Variants in PTAR1 observed in about 807,000 individuals in gnomAD.
PTAR1 encodes the protein protein prenyltransferase alpha subunit repeat-containing protein 1.
Under a neutral mutation model 45.5 loss-of-function variants are expected in PTAR1, and 17 were observed. That is an observed-to-expected ratio of 0.37 (90% CI 0.26 to 0.56). The LOEUF is 0.56. PTAR1 is among the 20% of genes least tolerant of loss of function. The pLI is 0.77. For synonymous variants in PTAR1, 169 were observed against 171.3 expected (o/e 0.99, Z 0.11); for missense variants, 391 against 476.3 (o/e 0.82, Z 1.67).
In PTAR1 at chr9:69,732,266, C is replaced by T. The variant is rs999893482; in HGVS notation, c.515G>A (p.Arg172Lys). ...CTCTTCTTGTATGAGTCGCTGTGCC[C>T]TTTCTGTGGGAATTGTTCCCAAGTT... ...KGNLGTIPTE[R>K]AQRLIQEEME... Residue 172 changes from arginine (R) to lysine (K), a missense_variant, in exon 5 of 8, where the codon AGG becomes AAG. Arg to Lys is a conservative substitution (Grantham distance 26). This residue lies in a region of PTAR1 where 46 missense variants were observed against 39.6 expected (regional missense o/e 1.16). Transcript: ENST00000340434. 1 of 1,613,854 alleles carries T rather than the reference C, an allele frequency of 6.2e-7. No homozygotes were observed.
rs186673872 is a variant in PTAR1, at chr9:69,757,381, A to G, written c.86+2472T>C. 3.9e-5 allele frequency: 6 copies of G among 152,278 alleles called. No homozygotes were observed. The East Asian group carries it at 9.6e-4, about 24-fold the overall frequency. 9.4% of individuals were successfully genotyped at this position (152,278 alleles called of 1,614,324 possible). ...CATATTCACCAATCATTTGTCCAAT[A>G]TATTTTTGGTGAGGAACACAGAGAT... On this transcript the variant is annotated intron_variant, in intron 1 of 7. Coordinates refer to ENST00000340434, the MANE Select transcript of PTAR1 (RefSeq NM_001099666.2).
intron 6 of PTAR1, among the ~76,000 whole-genome samples, chr9:69,720,197 T>C (rs1186612643): frequency 1.3e-5 from 2 of 152,184 alleles, no homozygotes; most frequent in Non-Finnish European, 2.9e-5. Flanking sequence ...AGCCAAGTTG[T>C]CAATGCAAAG....
intron 1 of PTAR1, among the ~76,000 whole-genome samples, chr9:69,751,254 T>A: frequency 6.6e-6 from 1 of 152,028 alleles, no homozygotes; most frequent in Middle Eastern, 3.2e-3. Context: ...TCAGAAATTA[T>A]CCTATGCCAA....
At chr9:69,738,059 C>G (rs760139711) in intron 3 of PTAR1, among the ~76,000 whole-genome samples, 1 of 152,168 alleles carries the variant, frequency 6.6e-6, no homozygotes, top group Non-Finnish European at 1.5e-5. Flanking sequence ...CTAAAGTTCC[C>G]TCCAGGATCC....
At chr9:69,724,517 A>G (rs1471874618) in intron 5 of PTAR1, among the ~76,000 whole-genome samples, 1 of 152,242 alleles carries the variant, frequency 6.6e-6, no homozygotes, top group Non-Finnish European at 1.5e-5. Context: ...AGTTAACAAT[A>G]CAGACAGCAT....
intron 4 of PTAR1, among the ~76,000 whole-genome samples, chr9:69,733,711 CCAA>C (rs1223129394): frequency 1.3e-5 from 2 of 152,200 alleles, no homozygotes; most frequent in African/African-American, 4.8e-5. Context: ...ACCATCACCA[CCAA>C]CATCTTTACC....
At chr9:69,741,097 A>G (rs1231558245) in intron 3 of PTAR1, among the ~76,000 whole-genome samples, 2 of 152,146 alleles carry the variant, frequency 1.3e-5, no homozygotes, top group African/African-American at 2.4e-5. Flanking sequence ...CTCAGGGCTC[A>G]GTCTTTGAAC....
At chr9:69,721,598 G>C (rs1478358829) in intron 6 of PTAR1, among the ~76,000 whole-genome samples, 3 of 152,162 alleles carry the variant, frequency 2.0e-5, no homozygotes, top group Admixed American at 2.0e-4. Context: ...ACACACTACA[G>C]AGAAATCTTT....
intron 1 of PTAR1, among the ~76,000 whole-genome samples, chr9:69,753,511 C>G (rs751308073): frequency 1.7e-4 from 26 of 152,222 alleles, no homozygotes; most frequent in East Asian, 1.9e-4. Context: ...GATATATACA[C>G]ACACACATAT....
chr9:69,759,093 A>G (rs1240699310), intron 1 of PTAR1, among the ~76,000 whole-genome samples: 1 of 152,158 alleles, frequency 6.6e-6, no homozygotes, highest in Admixed American at 6.5e-5. Flanking sequence ...GTATCTTCCC[A>G]CAGTACTTCA....
intron 6 of PTAR1, among the ~76,000 whole-genome samples, chr9:69,719,200 C>G (rs1793720711): frequency 6.6e-6 from 1 of 152,102 alleles, no homozygotes; most frequent in South Asian, 2.1e-4. Context: ...TAAAAGTCAA[C>G]TGAACTTTAC....
intron 3 of PTAR1, among the ~76,000 whole-genome samples, chr9:69,739,812 G>C (rs1825960633): frequency 6.6e-6 from 1 of 152,008 alleles, no homozygotes; most frequent in Admixed American, 6.5e-5. Context: ...TATCCACAAA[G>C]GATTTTTTAA....
At chr9:69,739,559 G>C (rs985328564) in intron 3 of PTAR1, among the ~76,000 whole-genome samples, 1 of 152,008 alleles carries the variant, frequency 6.6e-6, no homozygotes, top group African/African-American at 2.4e-5. Flanking sequence ...GACGTCTATT[G>C]CATTATTCTT....
intron 5 of PTAR1, among the ~76,000 whole-genome samples, chr9:69,724,350 G>C (rs556454692): frequency 1.3e-5 from 2 of 152,258 alleles, no homozygotes; most frequent in Non-Finnish European, 2.9e-5. Flanking sequence ...CAAATGAAAT[G>C]ATTTTTTAAA....
At chr9:69,733,562 G>A (rs543279969) in intron 4 of PTAR1, among the ~76,000 whole-genome samples, 4 of 152,106 alleles carry the variant, frequency 2.6e-5, no homozygotes, top group Admixed American at 6.6e-5. Context: ...GTCCTAAAGT[G>A]CATTCTGGCT....
chr9:69,750,925 G>T lies in PTAR1; in HGVS notation c.112C>A (p.Pro38Thr), dbSNP rs753502633. Residue 38 changes from proline (P) to threonine (T), a missense_variant, in exon 2 of 8, where the codon CCT becomes ACT. Pro to Thr is a conservative substitution (Grantham distance 38, BLOSUM62 -1). Transcript: ENST00000340434. Reference sequence around the variant, plus strand: ...GGACTCCGGTTATACCTAGCTTCAGGACATGGGATCAGGCCAATTTCATCT... The same window carrying T: ...GGACTCCGGTTATACCTAGCTTCAGTACATGGGATCAGGCCAATTTCATCT... Reference protein sequence around the residue: ...HIDEIGLIPCPEARYNRSPIV... With the variant: ...HIDEIGLIPCTEARYNRSPIV... 2 of 1,602,814 alleles carry T rather than the reference G, an allele frequency of 1.2e-6. No individual in the cohort carries two copies. Among genetic ancestry groups the T allele is most frequent in the Admixed American group, 3.4e-5 (2 of 58,098 alleles).
At chr9:69,739,517 C>T (rs976687746) in intron 3 of PTAR1, among the ~76,000 whole-genome samples, 1 of 151,884 alleles carries the variant, frequency 6.6e-6, no homozygotes, top group Admixed American at 6.6e-5. Flanking sequence ...TATTTCTTTC[C>T]CCTAAGACTG....
intron 6 of PTAR1, 51 bp from the exon 7 acceptor site, chr9:69,718,735 C>G: frequency 7.1e-7 from 1 of 1,402,544 alleles, no homozygotes. Flanking sequence ...ATTACAAAGT[C>G]AAGCTTTTCC....
At chr9:69,754,927 G>GA (rs57554852) in intron 1 of PTAR1, among the ~76,000 whole-genome samples, 6,594 of 151,754 alleles carry the variant, frequency 0.043, 489 homozygotes, top group African/African-American at 0.15. Context: ...ATCCTTTATG[G>GA]AAAAAAACTG....
Sources: gnomAD v4.1 joint callset for allele counts (sites outside exome capture counted in the v4.1 genomes callset) on GRCh38, gnomAD v4.1.1 for gene constraint, gnomAD v4.1.1 regional missense constraint, MANE v1.5 for transcripts, NCBI Gene and HGNC (gene_info 2026-07-23, HGNC 2026-07-21) for gene names.